ITPK1: variants seen among roughly 807,000 people sequenced by gnomAD.
ITPK1 encodes inositol 1,3,4-trisphosphate 5/6-kinase.
A neutral mutation model predicts 45.3 loss-of-function variants in ITPK1; 21 were observed. The ratio of observed to expected loss-of-function variants is 0.46; its 90% CI spans 0.33 to 0.67. ITPK1 has a LOEUF of 0.67. Ranked by LOEUF, ITPK1 falls within the 30% of genes least tolerant of loss-of-function variation. The probability of loss-of-function intolerance (pLI) is 0.02; values close to 1 mark genes in which losing one functional copy is unlikely to be tolerated. For missense variants in ITPK1, 474 were observed against 573.5 expected (o/e 0.83, Z 1.77); for synonymous variants, 258 against 253.6 (o/e 1.02, Z -0.16).
At chr14:92,965,564 A>G (rs541574325) in intron 5 of ITPK1, among the ~76,000 whole-genome samples, 1 of 152,382 alleles carries the variant, frequency 6.6e-6, no homozygotes, top group South Asian at 2.1e-4. Context: ...ACTTGCAGAT[A>G]ATAGGATCTT....
chr14:92,955,746 C>T (rs926209981), intron 8 of ITPK1, among the ~76,000 whole-genome samples: 1 of 152,238 alleles, frequency 6.6e-6, no homozygotes, highest in African/African-American at 2.4e-5. Flanking sequence ...CTGTCTCTAT[C>T]CCAGGTCCAG....
intron 3 of ITPK1, among the ~76,000 whole-genome samples, chr14:93,019,911 C>T (rs562156794): frequency 2.2e-4 from 34 of 152,288 alleles, no homozygotes; most frequent in African/African-American, 8.2e-4. Flanking sequence ...ACACTCTGCC[C>T]CCAGAAAAAA....
At chr14:92,952,261 C>G (rs1006893207) in intron 8 of ITPK1, among the ~76,000 whole-genome samples, 2 of 152,214 alleles carry the variant, frequency 1.3e-5, no homozygotes, top group African/African-American at 4.8e-5. Flanking sequence ...GCTACCATCT[C>G]ACAGCATCAC....
chr14:92,978,743 T>C (rs1005710387), intron 5 of ITPK1, among the ~76,000 whole-genome samples: 2 of 149,522 alleles, frequency 1.3e-5, no homozygotes, highest in African/African-American at 5.1e-5. Flanking sequence ...GAAGGCAAGA[T>C]TTTAGCCTCT....
intron 2 of ITPK1, among the ~76,000 whole-genome samples, chr14:93,095,392 G>A (rs570196551): frequency 2.0e-5 from 3 of 152,208 alleles, no homozygotes; most frequent in East Asian, 1.9e-4. Flanking sequence ...AGAGAAGCTC[G>A]CTAACTTGCT....
chr14:93,004,522 G>A (rs922687578), intron 4 of ITPK1, among the ~76,000 whole-genome samples: 1 of 152,156 alleles, frequency 6.6e-6, no homozygotes, highest in East Asian at 1.9e-4. Context: ...CCTCTGAGAA[G>A]CACGTGTATG....
At chr14:93,038,535 G>T (rs1566749880) in intron 3 of ITPK1, among the ~76,000 whole-genome samples, 1 of 152,012 alleles carries the variant, frequency 6.6e-6, no homozygotes, top group Non-Finnish European at 1.5e-5. Flanking sequence ...TTGTTTGTTT[G>T]TTTGTTTTTT....
At position 93,020,758 on chromosome 14, in the gene ITPK1, G is replaced by A. The variant is rs564446838; in HGVS notation, c.121-3957C>T. On this transcript the variant is annotated intron_variant, in intron 3 of 10. Coordinates refer to ENST00000267615, the MANE Select transcript of ITPK1 (RefSeq NM_014216.6). ...ACTGGTTTCCAATTACTCAGATAAT[G>A]GGGAGGGCTGTGTGGCCACCGCCCT... Among the ~76,000 whole-genome samples, 4 of 152,232 alleles carry A rather than the reference G, an allele frequency of 2.6e-5. No homozygotes were observed. In the South Asian group the frequency reaches 6.2e-4, roughly 24 times the overall value.
chr14:93,077,656 GC>G (rs1891280851), intron 2 of ITPK1, among the ~76,000 whole-genome samples: 3 of 152,154 alleles, frequency 2.0e-5, no homozygotes, highest in Admixed American at 2.0e-4. Context: ...CCCAGGAAGT[GC>G]CCACCTGTGC....
intron 3 of ITPK1, among the ~76,000 whole-genome samples, chr14:93,023,985 C>T (rs1044708769): frequency 1.3e-5 from 2 of 152,320 alleles, no homozygotes; most frequent in South Asian, 2.1e-4. Flanking sequence ...AACCCCTCCC[C>T]TCTGTTGCCA....
intron 5 of ITPK1, among the ~76,000 whole-genome samples, chr14:92,963,648 G>A (rs964126222): frequency 6.6e-6 from 1 of 152,206 alleles, no homozygotes; most frequent in African/African-American, 2.4e-5. Context: ...CCCACCCAGT[G>A]GATTCTAAGA....
At chr14:92,987,840 T>G (rs1002304068) in intron 5 of ITPK1, among the ~76,000 whole-genome samples, 4 of 152,146 alleles carry the variant, frequency 2.6e-5, no homozygotes, top group Non-Finnish European at 4.4e-5. Context: ...ACTCCCGGAC[T>G]GGGGGAGGGC....
chr14:92,964,990 C>T (rs1363561188), intron 5 of ITPK1, among the ~76,000 whole-genome samples: 1 of 152,198 alleles, frequency 6.6e-6, no homozygotes, highest in Non-Finnish European at 1.5e-5. Context: ...GAGAATTTTA[C>T]AGATGAGGAA....
chr14:92,961,582 A>G (rs951252549), intron 7 of ITPK1, among the ~76,000 whole-genome samples: 1 of 152,218 alleles, frequency 6.6e-6, no homozygotes, highest in Non-Finnish European at 1.5e-5. Context: ...GAGCCTTGTC[A>G]GAGCTAACAG....
intron 2 of ITPK1, among the ~76,000 whole-genome samples, chr14:93,104,404 A>G (rs1467295178): frequency 2.0e-5 from 3 of 152,044 alleles, no homozygotes. Flanking sequence ...TGGAGGTTGC[A>G]GTGAACAAAG....
chr14:93,002,667 GA>G (rs946938111), intron 4 of ITPK1, among the ~76,000 whole-genome samples: 1 of 151,776 alleles, frequency 6.6e-6, no homozygotes, highest in African/African-American at 2.4e-5. Context: ...GAGCATCCAA[GA>G]AAAAAAATAG....
chr14:93,090,827 G>A (rs765005989), intron 2 of ITPK1, among the ~76,000 whole-genome samples: 4 of 151,928 alleles, frequency 2.6e-5, no homozygotes, highest in Non-Finnish European at 4.4e-5. Context: ...GCATTCACAA[G>A]AGCCCTGGCT....
intron 2 of ITPK1, among the ~76,000 whole-genome samples, chr14:93,083,874 C>T (rs1401229083): frequency 2.0e-5 from 3 of 152,194 alleles, no homozygotes; most frequent in Admixed American, 2.0e-4. Context: ...GCTGCCCACA[C>T]CCAGCACTGG....
chr14:92,987,889 C>T (rs1028041065), intron 5 of ITPK1, among the ~76,000 whole-genome samples: 1 of 152,154 alleles, frequency 6.6e-6, no homozygotes, highest in Non-Finnish European at 1.5e-5. Context: ...CGGCAGCTCA[C>T]GCAGACTCAG....
Sources: allele counts gnomAD v4.1 joint callset (sites outside exome capture counted in the v4.1 genomes callset), GRCh38; gene constraint gnomAD v4.1.1; transcripts MANE v1.5; gene names NCBI Gene and HGNC (gene_info 2026-07-23, HGNC 2026-07-21).